LIMS1: variants seen among roughly 807,000 people sequenced by gnomAD.
The protein encoded by LIMS1 is LIM zinc finger domain containing 1.
A neutral mutation model predicts 44.1 loss-of-function variants in LIMS1; 18 were observed. The ratio of observed to expected loss-of-function variants is 0.41; its 90% CI spans 0.28 to 0.61. The LOEUF is 0.61. Among genes scored for constraint, LIMS1 ranks in the 20% least tolerant of loss-of-function variants. The pLI, the probability that LIMS1 is intolerant of heterozygous loss-of-function variation, is 0.32. For synonymous variants in LIMS1, 93 were observed against 149.1 expected, an observed-to-expected ratio of 0.62 and a Z score of 2.74; for missense variants, 201 against 422.0, an observed-to-expected ratio of 0.48 and a Z score of 4.59.
intron 1 of LIMS1, among the ~76,000 whole-genome samples, chr2:108,551,489 G>GCACACACACA (rs758535653): frequency 2.7e-5 from 3 of 111,968 alleles, no homozygotes; most frequent in East Asian, 2.2e-4. Context: ...ATGCGCGCGC[G>GCACACACACA]CGCACACACA....
At chr2:108,679,403 C>A (rs1273556775) in intron 8 of LIMS1, among the ~76,000 whole-genome samples, 5 of 152,026 alleles carry the variant, frequency 3.3e-5, no homozygotes, top group Non-Finnish European at 5.9e-5. Flanking sequence ...TCACCTGAAC[C>A]CGGGAGGCAG....
At chr2:108,565,833 G>C (rs1024838944) in intron 1 of LIMS1, among the ~76,000 whole-genome samples, 1 of 152,174 alleles carries the variant, frequency 6.6e-6, no homozygotes, top group Non-Finnish European at 1.5e-5. Flanking sequence ...CACCTTGAAG[G>C]CTGTGGCTTC....
chr2:108,668,908 A>G (rs1213021605), intron 2 of LIMS1, among the ~76,000 whole-genome samples: 1 of 152,206 alleles, frequency 6.6e-6, no homozygotes, highest in African/African-American at 2.4e-5. Context: ...TAGCATATCA[A>G]TTTATTCTCT....
intron 1 of LIMS1, among the ~76,000 whole-genome samples, chr2:108,629,619 C>T (rs1688781188): frequency 6.6e-6 from 1 of 152,250 alleles, no homozygotes; most frequent in Non-Finnish European, 1.5e-5. Flanking sequence ...TTGTTTAGTA[C>T]GTGAGGAAGT....
intron 1 of LIMS1, among the ~76,000 whole-genome samples, chr2:108,541,027 A>G (rs1212303024): frequency 6.6e-6 from 1 of 152,242 alleles, no homozygotes; most frequent in East Asian, 1.9e-4. Context: ...ATATTGGCCC[A>G]GAATTGTTCT....
At chr2:108,623,220 T>TCC (rs1688358276) in intron 1 of LIMS1, among the ~76,000 whole-genome samples, 1 of 150,764 alleles carries the variant, frequency 6.6e-6, no homozygotes, top group Non-Finnish European at 1.5e-5. Context: ...ATGCCTGGAT[T>TCC]TTTTTTTTAA....
At chr2:108,608,113 A>G (rs1182378808) in intron 1 of LIMS1, among the ~76,000 whole-genome samples, 1 of 152,160 alleles carries the variant, frequency 6.6e-6, no homozygotes, top group Non-Finnish European at 1.5e-5. Flanking sequence ...TCCTCTTCCA[A>G]TCACATTCCC....
At chr2:108,534,931 C>T (rs186347378) in intron 1 of LIMS1, among the ~76,000 whole-genome samples, 220 of 152,356 alleles carry the variant, frequency 1.4e-3, no homozygotes, top group Non-Finnish European at 2.8e-3. Flanking sequence ...ACGTCTTGGT[C>T]TCAGGACCCC....
intron 1 of LIMS1, among the ~76,000 whole-genome samples, chr2:108,615,974 C>G (rs1289316614): frequency 6.6e-6 from 1 of 152,138 alleles, no homozygotes; most frequent in Non-Finnish European, 1.5e-5. Context: ...TTCCACTAAC[C>G]TACCTTGTAC....
chr2:108,611,942 AATAT>A lies in LIMS1; in HGVS notation c.33-47657_33-47654del, dbSNP rs957082269. Among the ~76,000 whole-genome samples the A allele has an allele frequency of 1.2e-4, 17 of 144,768 alleles. 1 individual carries two copies. The South Asian group carries it at 3.2e-3, about 27-fold the overall frequency. 95.0% of individuals were successfully genotyped at this position (144,768 alleles called of 152,430 possible). On this transcript the variant is annotated intron_variant, in intron 1 of 9. Coordinates refer to ENST00000544547, the Ensembl canonical transcript of LIMS1. ...ATAAAATATATATATACATATATAAAATATATATACATATATTATATATACACAT... is the reference window on the plus strand; with the variant it reads ...ATAAAATATATATATACATATATAAAATATACATATATTATATATACACAT...
chr2:108,661,607 T>C (rs901485541), intron 2 of LIMS1, among the ~76,000 whole-genome samples: 100 of 152,058 alleles, frequency 6.6e-4, no homozygotes, highest in African/African-American at 2.2e-3. Flanking sequence ...TATAGGTAGA[T>C]TGTGATTAGC....
At chr2:108,598,394 G>T (rs1433074712) in intron 1 of LIMS1, among the ~76,000 whole-genome samples, 12 of 152,202 alleles carry the variant, frequency 7.9e-5, no homozygotes, top group Non-Finnish European at 1.2e-4. Flanking sequence ...AACATAAACT[G>T]TGACTTTGTA....
At chr2:108,643,169 A>C (rs1462852095) in intron 1 of LIMS1, among the ~76,000 whole-genome samples, 1 of 152,228 alleles carries the variant, frequency 6.6e-6, no homozygotes, top group Non-Finnish European at 1.5e-5. Context: ...GGCTGATTAG[A>C]GTATAGAACC....
intron 1 of LIMS1, among the ~76,000 whole-genome samples, chr2:108,569,246 C>T (rs1685402094): frequency 6.6e-6 from 1 of 152,142 alleles, no homozygotes; most frequent in African/African-American, 2.4e-5. Flanking sequence ...ATTAAAGCCT[C>T]ATCCATTCAT....
chr2:108,558,445 G>A (rs965636150), intron 1 of LIMS1, among the ~76,000 whole-genome samples: 5 of 151,642 alleles, frequency 3.3e-5, no homozygotes, highest in African/African-American at 7.3e-5. Flanking sequence ...TCCTGACCTC[G>A]TGATCCGCCT....
exon 10 of LIMS1, chr2:108,684,246 AAC>A: frequency 9.9e-6 from 2 of 202,210 alleles, no homozygotes; most frequent in Non-Finnish European, 2.0e-5. Flanking sequence ...ACAAAAAAAA[AAC>A]ACATGGTTAA....
intron 1 of LIMS1, among the ~76,000 whole-genome samples, chr2:108,594,748 A>G (rs1409669198): frequency 6.6e-6 from 1 of 152,222 alleles, no homozygotes; most frequent in East Asian, 1.9e-4. Flanking sequence ...ATCATGTCCA[A>G]GCTATATACA....
chr2:108,664,687 T>C (rs1329013202), intron 2 of LIMS1, among the ~76,000 whole-genome samples: 1 of 152,160 alleles, frequency 6.6e-6, no homozygotes, highest in Non-Finnish European at 1.5e-5. Flanking sequence ...TCTCTCAGGC[T>C]CAAAAGTTGA....
At chr2:108,601,558 C>T (rs1427843512) in intron 1 of LIMS1, among the ~76,000 whole-genome samples, 2 of 152,188 alleles carry the variant, frequency 1.3e-5, no homozygotes, top group Non-Finnish European at 2.9e-5. Flanking sequence ...TCTGAAACAG[C>T]GATGGATGAA....
Sources: gnomAD v4.1 joint callset for allele counts (sites outside exome capture counted in the v4.1 genomes callset) on GRCh38, gnomAD v4.1.1 for gene constraint, MANE v1.5 for transcripts, NCBI Gene and HGNC (gene_info 2026-07-23, HGNC 2026-07-21) for gene names.